TMEM272: variants seen among roughly 807,000 people sequenced by gnomAD.
TMEM272 encodes the protein long intergenic non-protein coding RNA 282.
In TMEM272, 8 loss-of-function variants were observed where a neutral mutation model predicts 3.7. The observed-to-expected ratio is 2.17, with a 90% CI of 1.27 to 3.91. The LOEUF is 3.91. Among genes scored for constraint, TMEM272 ranks in the 30% most tolerant of loss-of-function variants. The pLI is 0.00. For missense variants in TMEM272, 166 were observed against 91.5 expected, an observed-to-expected ratio of 1.81 and a Z score of -3.32; for synonymous variants, 63 against 39.8, an observed-to-expected ratio of 1.58 and a Z score of -2.20.
the TMEM272 span, among the ~76,000 whole-genome samples, chr13:51,884,343 G>A: frequency 6.6e-6 from 1 of 152,226 alleles, no homozygotes; most frequent in Non-Finnish European, 1.5e-5. Context: ...ACTTGGGTTT[G>A]AGATTGTTTC....
the TMEM272 span, among the ~76,000 whole-genome samples, chr13:51,881,205 G>A: frequency 6.6e-6 from 1 of 152,204 alleles, no homozygotes; most frequent in Non-Finnish European, 1.5e-5. Context: ...TACTGTGATG[G>A]TTGTTCTCTT....
the TMEM272 span, chr13:51,865,386 C>T: frequency 2.5e-6 from 4 of 1,590,486 alleles, no homozygotes; most frequent in African/African-American, 2.7e-5. Context: ...CTCATGGCCA[C>T]CCCGCCATTC....
At chr13:51,849,135 G>A (rs191558234), upstream of TMEM272, among the ~76,000 whole-genome samples, 7 of 152,302 alleles carry the variant, frequency 4.6e-5, no homozygotes, top group Admixed American at 4.6e-4. Context: ...AAGAGAAACA[G>A]AATGCATGGT....
the TMEM272 span, among the ~76,000 whole-genome samples, chr13:51,902,555 T>C: frequency 6.6e-6 from 1 of 152,240 alleles, no homozygotes; most frequent in Non-Finnish European, 1.5e-5. Context: ...GAAGCTGAAC[T>C]TGGGAGAGTC....
At chr13:51,861,996 G>A in the TMEM272 span, 1 of 152,282 alleles carries the variant, frequency 6.6e-6, no homozygotes, top group African/African-American at 2.4e-5. Context: ...AAAGATTGAA[G>A]AGGAACTCTT....
intron 2 of TMEM272, among the ~76,000 whole-genome samples, chr13:51,837,975 C>A (rs1202950197): frequency 6.6e-6 from 1 of 152,144 alleles, no homozygotes; most frequent in Non-Finnish European, 1.5e-5. Context: ...CCCCCAAGGC[C>A]TGGGATCTGA....
the TMEM272 span, among the ~76,000 whole-genome samples, chr13:51,912,619 G>A: frequency 2.6e-5 from 4 of 151,928 alleles, no homozygotes; most frequent in Admixed American, 2.0e-4. Context: ...AGGAAGCCTC[G>A]CCAGCCCCTA....
chr13:51,890,751 A>G, the TMEM272 span, among the ~76,000 whole-genome samples: 1 of 152,200 alleles, frequency 6.6e-6, no homozygotes, highest in Admixed American at 6.5e-5. Flanking sequence ...CACTCGTGCT[A>G]GGTGCATGAG....
At chr13:51,860,804 A>AAT in the TMEM272 span, among the ~76,000 whole-genome samples, 2 of 137,996 alleles carry the variant, frequency 1.4e-5, no homozygotes, top group African/African-American at 2.7e-5. Context: ...ATATAGAAAA[A>AAT]ATATATATAT....
At chr13:51,918,944 G>A in the TMEM272 span, among the ~76,000 whole-genome samples, 1,442 of 150,776 alleles carry the variant, frequency 9.6e-3, 24 homozygotes, top group African/African-American at 0.033. Flanking sequence ...CACCATGACC[G>A]GCCCCATAAT....
At chr13:51,846,133 G>C (rs572746487), upstream of TMEM272, among the ~76,000 whole-genome samples, 23 of 152,306 alleles carry the variant, frequency 1.5e-4, no homozygotes, top group East Asian at 3.7e-3. Flanking sequence ...GCTCACTCTA[G>C]GGCTGGCCCT....
chr13:51,860,389 C>T, the TMEM272 span, among the ~76,000 whole-genome samples: 1 of 151,970 alleles, frequency 6.6e-6, no homozygotes, highest in African/African-American at 2.4e-5. Flanking sequence ...CCTATAATCC[C>T]AACAGTTTGG....
upstream of TMEM272, among the ~76,000 whole-genome samples, chr13:51,847,759 G>A (rs574284128): frequency 5.9e-5 from 9 of 152,174 alleles, no homozygotes; most frequent in South Asian, 1.7e-3. Flanking sequence ...TGGCCTGGAC[G>A]TGGCCAAAAA....
At chr13:51,830,785 A>C (rs1956166294) in intron 2 of TMEM272, among the ~76,000 whole-genome samples, 1 of 152,114 alleles carries the variant, frequency 6.6e-6, no homozygotes, top group Admixed American at 6.5e-5. Flanking sequence ...TTAACTCCCA[A>C]GTGGATGCGG....
chr13:51,925,047 TC>T, the TMEM272 span, among the ~76,000 whole-genome samples: 1 of 152,206 alleles, frequency 6.6e-6, no homozygotes, highest in Non-Finnish European at 1.5e-5. Flanking sequence ...CCTTGACACC[TC>T]TTCCTCTGGG....
the TMEM272 span, among the ~76,000 whole-genome samples, chr13:51,877,069 T>G: frequency 6.6e-6 from 1 of 152,056 alleles, no homozygotes; most frequent in Non-Finnish European, 1.5e-5. Flanking sequence ...TTCCTAGGAG[T>G]GGCCTGAGAG....
At chr13:51,857,600 T>G in the TMEM272 span, among the ~76,000 whole-genome samples, 1 of 152,110 alleles carries the variant, frequency 6.6e-6, no homozygotes, top group Non-Finnish European at 1.5e-5. Context: ...CAAGGATGCC[T>G]ATTATAATCT....
At chr13:51,916,137 G>A in the TMEM272 span, among the ~76,000 whole-genome samples, 1 of 152,148 alleles carries the variant, frequency 6.6e-6, no homozygotes, top group African/African-American at 2.4e-5. Flanking sequence ...AGGGGACACC[G>A]GCATGAAGAA....
chr13:51,913,627 C>T, the TMEM272 span, among the ~76,000 whole-genome samples: 1 of 152,146 alleles, frequency 6.6e-6, no homozygotes, highest in Non-Finnish European at 1.5e-5. Context: ...TGGGGCAGCA[C>T]CACCTAGAGT....
Sources: gnomAD v4.1 joint callset for allele counts (sites outside exome capture counted in the v4.1 genomes callset) on GRCh38, gnomAD v4.1.1 for gene constraint, MANE v1.5 for transcripts, NCBI Gene and HGNC (gene_info 2026-07-23, HGNC 2026-07-21) for gene names.